The following FAM13A variants were observed in gnomAD, a reference collection of about 807,000 sequenced individuals.
FAM13A encodes the protein protein FAM13A.
A neutral mutation model predicts 129.6 loss-of-function variants in FAM13A; 76 were observed. The observed-to-expected ratio is 0.59, with a 90% CI of 0.49 to 0.71. FAM13A has a LOEUF of 0.71. FAM13A is among the 30% of genes least tolerant of loss of function. The pLI is 0.00. For missense variants in FAM13A, 1,108 were observed against 1,249.3 expected (o/e 0.89, Z 1.70); for synonymous variants, 443 against 449.9 (o/e 0.98, Z 0.20).
At chr4:88,995,220 T>C (rs1763401364) in intron 3 of FAM13A, among the ~76,000 whole-genome samples, 1 of 150,384 alleles carries the variant, frequency 6.6e-6, no homozygotes, top group African/African-American at 2.5e-5. Context: ...TCACACACTT[T>C]CTATGTGTCT....
chr4:89,010,855 CT>C (rs964789534), intron 3 of FAM13A, among the ~76,000 whole-genome samples: 2 of 151,172 alleles, frequency 1.3e-5, no homozygotes, highest in Admixed American at 6.6e-5. Flanking sequence ...ATTATCTTTT[CT>C]TTTTTTTTCT....
At chr4:88,888,947 A>T (rs1350575911) in intron 6 of FAM13A, among the ~76,000 whole-genome samples, 1 of 151,864 alleles carries the variant, frequency 6.6e-6, no homozygotes, top group African/African-American at 2.4e-5. Flanking sequence ...AAAAAAAAAA[A>T]AAAAAAAAAA....
chr4:89,039,955 T>TA (rs1027631391), intron 1 of FAM13A, among the ~76,000 whole-genome samples: 71 of 139,606 alleles, frequency 5.1e-4, no homozygotes, highest in East Asian at 1.4e-3. Flanking sequence ...ACTGTCTCTT[T>TA]AAAAAAAAAA....
intron 4 of FAM13A, among the ~76,000 whole-genome samples, chr4:88,976,234 T>C (rs1197765422): frequency 6.6e-6 from 1 of 152,204 alleles, no homozygotes; most frequent in African/African-American, 2.4e-5. Flanking sequence ...ATCAACTATA[T>C]ATCTCTCCTG....
chr4:88,850,900 A>T, intron 7 of FAM13A, 120 bp downstream of exon 7: 1 of 814,184 alleles, frequency 1.2e-6, no homozygotes, highest in Non-Finnish European at 1.9e-6. Context: ...AAGTATCTTT[A>T]CTGATCTATA....
chr4:88,937,368 T>C (rs1043602602), intron 5 of FAM13A: 4 of 152,210 alleles, frequency 2.6e-5, no homozygotes, highest in African/African-American at 9.7e-5. Context: ...GGAAATCTCA[T>C]ACCAGCTCCA....
chr4:88,854,699 A>T (rs902049856), intron 6 of FAM13A, among the ~76,000 whole-genome samples: 1 of 152,244 alleles, frequency 6.6e-6, no homozygotes, highest in Non-Finnish European at 1.5e-5. Flanking sequence ...TTATGTGTAC[A>T]ACTAAAATAC....
intron 2 of FAM13A, among the ~76,000 whole-genome samples, chr4:89,028,851 A>G (rs993761960): frequency 6.6e-6 from 1 of 152,092 alleles, no homozygotes; most frequent in South Asian, 2.1e-4. Context: ...AAACGAAATC[A>G]TCAAAAAGCT....
At chr4:88,788,331 G>A (rs893258043) in intron 9 of FAM13A, among the ~76,000 whole-genome samples, 3 of 152,112 alleles carry the variant, frequency 2.0e-5, no homozygotes, top group African/African-American at 7.2e-5. Context: ...TTCTACAGAG[G>A]AAGAGAGAGT....
Position 88,877,842 on chromosome 4 carries a change from T to A in FAM13A, c.844-26659A>T, listed in dbSNP as rs368909686. ...TGAATCTTCTACTTCCCACCTCTTA[T>A]ATTGTACATAGCCCTTAACAAGGCC... On this transcript the variant is annotated intron_variant, in intron 6 of 23. Coordinates refer to ENST00000264344, the MANE Select transcript of FAM13A (RefSeq NM_014883.4). Among the ~76,000 whole-genome samples, 11 of 152,218 alleles carry A rather than the reference T, an allele frequency of 7.2e-5. 1 individual carries two copies. The highest frequency in any genetic ancestry group is 2.7e-4 in the African/African-American group (11 of 41,458).
chr4:88,862,936 T>G (rs959130342), intron 6 of FAM13A, among the ~76,000 whole-genome samples: 3 of 151,510 alleles, frequency 2.0e-5, no homozygotes, highest in Admixed American at 1.3e-4. Context: ...AAAAAAAAAC[T>G]ATGTTTTTCT....
intron 7 of FAM13A, among the ~76,000 whole-genome samples, chr4:88,825,766 TAATA>T (rs1221998454): frequency 1.3e-5 from 2 of 152,202 alleles, no homozygotes; most frequent in Admixed American, 6.5e-5. Context: ...ATATATTTCC[TAATA>T]AATTAAGTTG....
chr4:89,012,317 T>A (rs1009109399), intron 3 of FAM13A, among the ~76,000 whole-genome samples: 11 of 152,116 alleles, frequency 7.2e-5, no homozygotes, highest in African/African-American at 2.7e-4. Flanking sequence ...TAAACCTTGA[T>A]TAAGGAAGAT....
intron 5 of FAM13A, among the ~76,000 whole-genome samples, chr4:88,924,249 A>C (rs1191407514): frequency 1.3e-5 from 2 of 152,218 alleles, no homozygotes; most frequent in Non-Finnish European, 2.9e-5. Context: ...TCGCCAAGTC[A>C]ATCCTAAGCC....
Position 88,728,414 on chromosome 4 carries a change from GGCAGAAGGGCT to G in FAM13A, c.*108_*118del. 9 of 1,248,296 alleles carry G rather than the reference GGCAGAAGGGCT, an allele frequency of 7.2e-6. No individual in the cohort carries two copies. Among genetic ancestry groups the G allele is most frequent in the Non-Finnish European group, 1.0e-5 (9 of 877,848 alleles). The allele number at this position is 1,248,296 out of a possible 1,614,324, so 77.3% of individuals were successfully genotyped here. A position where few individuals can be genotyped will look rare whatever the true frequency, so the allele number is the denominator to read the frequency against. On this transcript the variant is annotated 3_prime_UTR_variant, in exon 24 of 24. Coordinates refer to ENST00000264344, the MANE Select transcript of FAM13A (RefSeq NM_014883.4). Reference sequence around the variant, plus strand: ...AGGAGCCGATGCCAAATGGTCTAGAGGCAGAAGGGCTGCATGCTTTGCAGGGCCAGCCCCAA... The same window carrying G: ...AGGAGCCGATGCCAAATGGTCTAGAGGCATGCTTTGCAGGGCCAGCCCCAA...
intron 6 of FAM13A, among the ~76,000 whole-genome samples, chr4:88,860,587 C>T (rs1213228555): frequency 6.6e-6 from 1 of 152,190 alleles, no homozygotes; most frequent in Non-Finnish European, 1.5e-5. Context: ...TCTGAAGGTG[C>T]TGTTTTGGGG....
intron 6 of FAM13A, among the ~76,000 whole-genome samples, chr4:88,889,770 A>G (rs375901987): frequency 6.6e-6 from 1 of 152,200 alleles, no homozygotes; most frequent in Non-Finnish European, 1.5e-5. Flanking sequence ...AGAAGATGGA[A>G]GCAGCCTGTG....
intron 1 of FAM13A, among the ~76,000 whole-genome samples, chr4:89,033,056 C>T (rs1290806069): frequency 6.6e-6 from 1 of 152,164 alleles, no homozygotes; most frequent in African/African-American, 2.4e-5. Context: ...GTAAGCTGCT[C>T]CAGTAACTTT....
intron 5 of FAM13A, among the ~76,000 whole-genome samples, chr4:88,907,709 G>A (rs1748391794): frequency 6.6e-6 from 1 of 152,170 alleles, no homozygotes; most frequent in African/African-American, 2.4e-5. Context: ...AGGTCACACA[G>A]GACTCAAAGA....
Sources: allele counts gnomAD v4.1 joint callset (sites outside exome capture counted in the v4.1 genomes callset), GRCh38; gene constraint gnomAD v4.1.1; transcripts MANE v1.5; gene names NCBI Gene and HGNC (gene_info 2026-07-23, HGNC 2026-07-21).